Variants in JOSD2 observed in about 807,000 individuals in gnomAD.
The protein encoded by JOSD2 is josephin-2.
A neutral mutation model predicts 19.3 loss-of-function variants in JOSD2; 20 were observed. That is an observed-to-expected ratio of 1.04 (90% confidence interval 0.73 to 1.51). The LOEUF is 1.51. Among genes scored for constraint, JOSD2 ranks in the 40% most tolerant of loss-of-function variants. The pLI, the probability that JOSD2 is intolerant of heterozygous loss-of-function variation, is 0.00. For synonymous variants in JOSD2, 118 were observed against 123.7 expected (o/e 0.95, Z 0.31); for missense variants, 215 against 250.4 (o/e 0.86, Z 0.95).
rs764844630 is a variant in JOSD2 at position 50,510,279 on chromosome 19, C to T, written c.146+7G>A. The stretch of plus-strand genomic sequence containing the variant: ...CTGCTCCAGGGGCTGGGGTGGGTGA[C>T]GGTCACCTCTTGCAGATCTCATCGG... On this transcript the variant is annotated splice_region_variant and intron_variant, in intron 2 of 4. Transcript: ENST00000598418. 5 of 1,613,224 alleles carry T rather than the reference C, an allele frequency of 3.1e-6. No individual in the cohort carries two copies. The Admixed American group carries it at 6.7e-5, about 22-fold the overall frequency.
chr19:50,510,385 TGGTACACG>T lies in JOSD2; in HGVS notation c.39_46del (p.Val14ArgfsTer23), dbSNP rs1456375484. The T allele has an allele frequency of 6.2e-7, 1 of 1,613,246 alleles. No homozygotes were observed. Among genetic ancestry groups the T allele is most frequent in the South Asian group, 1.1e-5 (1 of 91,080 alleles). The stretch of plus-strand genomic sequence containing the variant: ...ACACAGCTCCAGGCGCTGCCGTTCG[TGGTACACG>T]GTGGGTGGGCTCGGCTGTGCTCCCG... On this transcript the variant is annotated frameshift_variant, in exon 2 of 5. Transcript: ENST00000598418. LOFTEE classifies it high-confidence loss of function.
chr19:50,507,106 A>G (rs982630461), intron 3 of JOSD2, among the ~76,000 whole-genome samples: 2 of 19,902 alleles, frequency 1.0e-4, no homozygotes, highest in South Asian at 8.5e-3. Flanking sequence ...CCCACCACCC[A>G]CCCACCCACC....
At chr19:50,510,127 G>T in intron 2 of JOSD2, 159 bp downstream of exon 2, 1 of 739,900 alleles carries the variant, frequency 1.4e-6, no homozygotes, top group Non-Finnish European at 2.2e-6. Flanking sequence ...GACAGGCACA[G>T]GAGGCAACAT....
At chr19:50,506,696 C>T (rs1367083323) in intron 3 of JOSD2, 124 bp from the exon 4 acceptor site, 12 of 821,550 alleles carry the variant, frequency 1.5e-5, no homozygotes. Context: ...AGAGGTGTTC[C>T]TTAATCAGCC....
chr19:50,506,186 A>G lies in JOSD2; in HGVS notation c.554T>C (p.Leu185Pro), dbSNP rs1050395366. The G allele has an allele frequency of 5.0e-6, 8 of 1,612,678 alleles. No homozygotes were observed. Among genetic ancestry groups the G allele is most frequent in the Non-Finnish European group, 6.8e-6 (8 of 1,179,850 alleles). The change falls in exon 5 of 5, where the codon CTG (leucine) becomes CCG (proline). Residue 185 changes from leucine to proline, a missense_variant. Transcript: ENST00000598418. ...TKEVEEKGSW[L>P]RTD Reference sequence around the variant, plus strand: ...GGTCAGCCATGGTCAGTCTGTCCGCAGCCAGCTGCCCTTCTCCTCCACCTC... The same window carrying G: ...GGTCAGCCATGGTCAGTCTGTCCGCGGCCAGCTGCCCTTCTCCTCCACCTC...
chr19:50,507,774 C>A, intron 2 of JOSD2, 75 bp from the exon 3 acceptor site: 2 of 1,535,390 alleles, frequency 1.3e-6, no homozygotes, highest in Admixed American at 1.9e-5. Flanking sequence ...GTCCCAGGGG[C>A]CACAAGTTGC....
At position 50,507,622 on chromosome 19, in the gene JOSD2, G is replaced by T; in HGVS notation, c.224C>A (p.Ala75Asp). Residue 75 changes from alanine to aspartate, a missense_variant, in exon 3 of 5, where the codon GCC becomes GAC. Coordinates refer to ENST00000598418, the MANE Select transcript of JOSD2 (RefSeq NM_001270639.2). ...GGCCAGGCCCAGCCCCTGCAGAGCG[G>T]CCATGATCACATTGACATCATAGTT... ...TGNYDVNVIM[A>D]ALQGLGLAAV... The T allele has an allele frequency of 6.2e-7, 1 of 1,610,880 alleles. No homozygotes were observed.
intron 3 of JOSD2, among the ~76,000 whole-genome samples, 183 bp downstream of exon 3, chr19:50,507,391 A>T (rs1979438357): frequency 6.6e-6 from 1 of 151,494 alleles, no homozygotes; most frequent in Non-Finnish European, 1.5e-5. Flanking sequence ...AGTAACCATC[A>T]TCCACCCAGC....
At chr19:50,507,760 G>A in intron 2 of JOSD2, 61 bp from the exon 3 acceptor site, 1 of 1,555,392 alleles carries the variant, frequency 6.4e-7, no homozygotes, top group Non-Finnish European at 8.7e-7. Flanking sequence ...CCCACAAAAT[G>A]GGGGTCCCAG....
chr19:50,510,745 G>C (rs932886328), intron 1 of JOSD2, among the ~76,000 whole-genome samples: 1 of 151,942 alleles, frequency 6.6e-6, no homozygotes, highest in African/African-American at 2.4e-5. Flanking sequence ...AGAGGAACCT[G>C]CCTCCCCGTC....
chr19:50,506,619 G>C, intron 3 of JOSD2, 47 bp from the exon 4 acceptor site: 1 of 1,447,808 alleles, frequency 6.9e-7, no homozygotes, highest in East Asian at 2.5e-5. Context: ...TGCTCCGCCC[G>C]CCGGTGAAAT....
chr19:50,510,583 C>T (rs1979736972), intron 1 of JOSD2, 135 bp from the exon 2 acceptor site: 1 of 756,764 alleles, frequency 1.3e-6, no homozygotes, highest in South Asian at 1.8e-5. Flanking sequence ...GCCCCTGACC[C>T]CGCTCCCTGG....
rs776814683 is a variant in JOSD2 at position 50,506,165 on chromosome 19, A to G, written c.*8T>C. ...GACTGCGCTGTGGGCGCCGATGGTC[A>G]GCCATGGTCAGTCTGTCCGCAGCCA... On this transcript the variant is annotated 3_prime_UTR_variant, in exon 5 of 5. Coordinates refer to ENST00000598418, the MANE Select transcript of JOSD2 (RefSeq NM_001270639.2). The G allele has an allele frequency of 1.2e-6, 2 of 1,611,512 alleles. No homozygotes were observed. Among genetic ancestry groups the G allele is most frequent in the East Asian group, 4.5e-5 (2 of 44,884 alleles).
At chr19:50,506,830 CACATCG>C (rs1233845711) in intron 3 of JOSD2, among the ~76,000 whole-genome samples, 6 of 142,050 alleles carry the variant, frequency 4.2e-5, no homozygotes, top group Non-Finnish European at 9.2e-5. Flanking sequence ...CCACCCAACT[CACATCG>C]GCCCTTCACC....
At position 50,510,309 on chromosome 19, in the gene JOSD2, C is replaced by T; in HGVS notation, c.123G>A (p.Glu41=). ...NVLQQQLFSQ[E]AADEICKRLA... ...ACCTCTTGCAGATCTCATCGGCAGC[C>T]TCCTGGCTAAAGAGCTGCTGCTGCA... The change falls in exon 2 of 5, where the codon GAG becomes GAA. Residue 41 remains glutamate, a synonymous_variant. Coordinates refer to ENST00000598418, the MANE Select transcript of JOSD2 (RefSeq NM_001270639.2). 6.2e-7 allele frequency: 1 copy of T among 1,613,470 alleles called. No individual in the cohort carries two copies.
chr19:50,510,259 C>G (rs1467167310), intron 2 of JOSD2, 27 bp downstream of exon 2: 1 of 1,613,004 alleles, frequency 6.2e-7, no homozygotes, highest in Admixed American at 1.7e-5. Context: ...CTCTGCTGCT[C>G]CAGGGGCTGG....
chr19:50,510,173 A>C, intron 2 of JOSD2, 113 bp downstream of exon 2: 1 of 1,269,908 alleles, frequency 7.9e-7, no homozygotes, highest in Non-Finnish European at 1.1e-6. Flanking sequence ...TAGGCAAGTG[A>C]GCGCGGAGCA....
Position 50,511,100 on chromosome 19 carries a change from C to T in JOSD2, c.-18+17G>A, listed in dbSNP as rs987116344. 3.8e-5 allele frequency: 17 copies of T among 453,064 alleles called. No individual in the cohort carries two copies. Among genetic ancestry groups the T allele is most frequent in the Non-Finnish European group, 5.8e-5 (13 of 225,484 alleles). 28.1% of individuals were successfully genotyped at this position (453,064 alleles called of 1,614,324 possible). ...CCCAGCCACGGCGCTCGCCCTTTGCCTGGCAACGCCCCTCACCCCGCCTGC... is the reference window on the plus strand; with the variant it reads ...CCCAGCCACGGCGCTCGCCCTTTGCTTGGCAACGCCCCTCACCCCGCCTGC... On this transcript the variant is annotated intron_variant, in intron 1 of 4. Transcript: ENST00000598418.
In JOSD2 at chr19:50,506,539, C is replaced by T; in HGVS notation, c.306G>A (p.Leu102=). ...PLSQLALPQV[L]GLILNLPSPV... is the part of the protein sequence containing the mutation. ...GCGAGGGCAGGTTCAGGATCAGCCC[C>T]AGTACCTGGGGCAGGGCCAGCTGGG... The change falls in exon 4 of 5, where the codon CTG becomes CTA. Residue 102 remains leucine (L), a synonymous_variant. Transcript: ENST00000598418. The T allele has an allele frequency of 1.3e-6, 2 of 1,548,452 alleles. No homozygotes were observed.
Sources: allele counts gnomAD v4.1 joint callset (sites outside exome capture counted in the v4.1 genomes callset), GRCh38; gene constraint gnomAD v4.1.1; transcripts MANE v1.5; gene names NCBI Gene and HGNC (gene_info 2026-07-23, HGNC 2026-07-21).